Variants in HS6ST3 observed in about 807,000 individuals in gnomAD.
HS6ST3 encodes heparan sulfate 6-O-sulfotransferase 3, also known as heparan-sulfate 6-O-sulfotransferase 3.
Under a neutral mutation model 36.7 loss-of-function variants are expected in HS6ST3, and 12 were observed. That is an observed-to-expected ratio of 0.33 (90% CI 0.21 to 0.53). HS6ST3 has a LOEUF of 0.53. Among genes scored for constraint, HS6ST3 ranks in the 20% least tolerant of loss-of-function variants. The pLI, the probability that HS6ST3 is intolerant of heterozygous loss-of-function variation, is 0.95. For missense variants in HS6ST3, 584 were observed against 640.9 expected (o/e 0.91, Z 0.96); for synonymous variants, 240 against 257.5 (o/e 0.93, Z 0.65).
At chr13:96,732,826 C>T (rs181339788) in intron 1 of HS6ST3, among the ~76,000 whole-genome samples, 22 of 86,412 alleles carry the variant, frequency 2.5e-4, no homozygotes, top group East Asian at 9.8e-4. Flanking sequence ...CTTCCATCAA[C>T]GTTTTATAGT....
intron 1 of HS6ST3, among the ~76,000 whole-genome samples, chr13:96,357,486 T>A (rs1379952625): frequency 1.3e-5 from 2 of 152,138 alleles, no homozygotes; most frequent in African/African-American, 4.8e-5. Context: ...TCTCAGGGAA[T>A]AGAGAGGCAT....
intron 1 of HS6ST3, among the ~76,000 whole-genome samples, chr13:96,277,904 C>T (rs921074736): frequency 6.6e-6 from 1 of 152,072 alleles, no homozygotes; most frequent in Non-Finnish European, 1.5e-5. Context: ...GAAAAATATT[C>T]AGTTTTTGGG....
intron 1 of HS6ST3, among the ~76,000 whole-genome samples, chr13:96,188,988 A>G (rs1341088060): frequency 2.0e-5 from 3 of 152,172 alleles, no homozygotes; most frequent in Non-Finnish European, 4.4e-5. Flanking sequence ...CGAATATGGT[A>G]TTAAATCCAG....
chr13:96,217,197 G>A (rs1054852117), intron 1 of HS6ST3, among the ~76,000 whole-genome samples: 6 of 152,172 alleles, frequency 3.9e-5, no homozygotes, highest in African/African-American at 1.2e-4. Context: ...CTGAAAAGCC[G>A]GGGGTCTGAC....
intron 1 of HS6ST3, among the ~76,000 whole-genome samples, chr13:96,357,328 T>C (rs563338266): frequency 6.6e-6 from 1 of 152,338 alleles, no homozygotes; most frequent in African/African-American, 2.4e-5. Flanking sequence ...TTTCTGCCTA[T>C]CTCAGCTTTC....
At chr13:96,682,433 G>A (rs2056721645) in intron 1 of HS6ST3, among the ~76,000 whole-genome samples, 1 of 152,060 alleles carries the variant, frequency 6.6e-6, no homozygotes, top group Non-Finnish European at 1.5e-5. Flanking sequence ...TATATTTAAA[G>A]ATTTGTAGAA....
At chr13:96,504,291 C>T (rs2056017173) in intron 1 of HS6ST3, among the ~76,000 whole-genome samples, 1 of 152,140 alleles carries the variant, frequency 6.6e-6, no homozygotes, top group African/African-American at 2.4e-5. Flanking sequence ...CCAAACAGTA[C>T]AACTCTCACA....
intron 1 of HS6ST3, among the ~76,000 whole-genome samples, chr13:96,163,860 C>T (rs187725672): frequency 6.6e-6 from 1 of 152,250 alleles, no homozygotes; most frequent in African/African-American, 2.4e-5. Flanking sequence ...AGTGCAGTTG[C>T]TAGCAGGGGT....
At chr13:96,807,144 A>G (rs1878213854) in intron 1 of HS6ST3, among the ~76,000 whole-genome samples, 1 of 152,206 alleles carries the variant, frequency 6.6e-6, no homozygotes, top group Admixed American at 6.5e-5. Context: ...TGAAGCCCTG[A>G]AGCAATGAAC....
intron 1 of HS6ST3, among the ~76,000 whole-genome samples, chr13:96,704,163 G>A (rs555387352): frequency 1.3e-4 from 20 of 152,196 alleles, no homozygotes; most frequent in South Asian, 4.1e-4. Flanking sequence ...CATAATTTGC[G>A]CCAAAGCAAA....
At chr13:96,094,045 A>G (rs2053778088) in intron 1 of HS6ST3, among the ~76,000 whole-genome samples, 1 of 152,134 alleles carries the variant, frequency 6.6e-6, no homozygotes, top group African/African-American at 2.4e-5. Context: ...AATTTCACTC[A>G]GAGATCAATG....
intron 1 of HS6ST3, among the ~76,000 whole-genome samples, chr13:96,138,946 A>AT (rs1243242240): frequency 6.6e-6 from 1 of 152,132 alleles, no homozygotes; most frequent in Non-Finnish European, 1.5e-5. Flanking sequence ...TGGGTGGTTT[A>AT]TTTAATTTAT....
At chr13:96,152,761 C>A (rs75330131) in intron 1 of HS6ST3, among the ~76,000 whole-genome samples, 4,094 of 152,194 alleles carry the variant, frequency 0.027, 68 homozygotes, top group Non-Finnish European at 0.034. Context: ...CCTCCAATGG[C>A]TTCTCTGAAT....
rs2055494734 is a variant in HS6ST3, at chr13:96,409,179, C to T, written c.707+317610C>T. ...AAGGGAGATTATCTCAGCAAATTCC[C>T]CAAATGTGTGATATTTGTCCATATC... is the stretch of plus-strand genomic sequence containing the variant. On this transcript the variant is annotated intron_variant, in intron 1 of 1. Coordinates refer to ENST00000376705, the MANE Select transcript of HS6ST3 (RefSeq NM_153456.4). 3.3e-5 allele frequency among the ~76,000 whole-genome samples: 5 copies of T among 152,152 alleles called. No individual in the cohort carries two copies. In the South Asian group the frequency reaches 8.3e-4, roughly 25 times the overall value.
intron 1 of HS6ST3, among the ~76,000 whole-genome samples, chr13:96,586,023 A>T (rs1270946637): frequency 2.6e-5 from 4 of 152,194 alleles, no homozygotes. Flanking sequence ...TTACATTCCC[A>T]TCAAAAGTAT....
intron 1 of HS6ST3, among the ~76,000 whole-genome samples, chr13:96,178,146 T>C (rs913181260): frequency 3.9e-5 from 6 of 152,190 alleles, no homozygotes; most frequent in Non-Finnish European, 8.8e-5. Flanking sequence ...GGGTACAAGA[T>C]TGGCCACGAA....
chr13:96,593,022 T>C (rs1258667287), intron 1 of HS6ST3, among the ~76,000 whole-genome samples: 3 of 152,002 alleles, frequency 2.0e-5, no homozygotes, highest in Non-Finnish European at 1.5e-5. Flanking sequence ...TAAGTAAACT[T>C]TTTACCCCTA....
chr13:96,676,721 G>A (rs1245660192), intron 1 of HS6ST3, among the ~76,000 whole-genome samples: 4 of 152,124 alleles, frequency 2.6e-5, no homozygotes, highest in African/African-American at 4.8e-5. Context: ...TTATGAACAT[G>A]TTCCTCAGAA....
At chr13:96,101,161 C>T (rs1213632308) in intron 1 of HS6ST3, among the ~76,000 whole-genome samples, 2 of 152,120 alleles carry the variant, frequency 1.3e-5, no homozygotes, top group African/African-American at 4.8e-5. Flanking sequence ...GCACAGTAGA[C>T]AACACACATT....
Sources: gnomAD v4.1 joint callset for allele counts (sites outside exome capture counted in the v4.1 genomes callset) on GRCh38, gnomAD v4.1.1 for gene constraint, MANE v1.5 for transcripts, NCBI Gene and HGNC (gene_info 2026-07-23, HGNC 2026-07-21) for gene names.